Variants in PTPRN2 observed in about 807,000 individuals in gnomAD.
PTPRN2 encodes protein tyrosine phosphatase receptor type N2.
In PTPRN2, 74 loss-of-function variants were observed where a neutral mutation model predicts 118.8. The ratio of observed to expected loss-of-function variants is 0.62; its 90% CI spans 0.52 to 0.76. PTPRN2 has a LOEUF of 0.76. Ranked by LOEUF, PTPRN2 falls within the 30% of genes least tolerant of loss-of-function variation. PTPRN2 has a pLI of 0.00. For synonymous variants in PTPRN2, 641 were observed against 608.0 expected, an observed-to-expected ratio of 1.05 and a Z score of -0.80; for missense variants, 1,481 against 1,394.4, an observed-to-expected ratio of 1.06 and a Z score of -0.99.
At chr7:158,471,479 G>T (rs1819847430) in intron 2 of PTPRN2, among the ~76,000 whole-genome samples, 1 of 152,200 alleles carries the variant, frequency 6.6e-6, no homozygotes, top group Non-Finnish European at 1.5e-5. Context: ...CACAAGGTCA[G>T]GAGATCGAGA....
intron 12 of PTPRN2, among the ~76,000 whole-genome samples, chr7:157,692,410 C>T (rs1472181579): frequency 6.6e-6 from 1 of 152,244 alleles, no homozygotes; most frequent in African/African-American, 2.4e-5. Flanking sequence ...GCTTTTCTCT[C>T]ACAAACCTAG....
rs528873096 is a variant in PTPRN2, at chr7:158,093,214, G to C, written c.1644-11837C>G. Among the ~76,000 whole-genome samples the C allele has an allele frequency of 1.3e-4, 7 of 54,672 alleles. No individual in the cohort carries two copies. The highest frequency in any genetic ancestry group is 2.7e-4 in the African/African-American group (7 of 25,518). 35.9% of individuals were successfully genotyped at this position (54,672 alleles called of 152,430 possible). A position where few individuals can be genotyped will look rare whatever the true frequency, so the allele number is the denominator to read the frequency against. Reference sequence around the variant, plus strand: ...ACCTCTGTCCTTTCCTGACTCTGCCGCTGGACCGACCCCCCACACTGTAGA... The same window carrying C: ...ACCTCTGTCCTTTCCTGACTCTGCCCCTGGACCGACCCCCCACACTGTAGA... On this transcript the variant is annotated intron_variant, in intron 10 of 22. Transcript: ENST00000389418. The surrounding 1 kb of genome is among the most constrained non-coding windows in gnomAD (Gnocchi z 4.4).
At chr7:157,937,381 G>A (rs1408673142) in intron 11 of PTPRN2, among the ~76,000 whole-genome samples, 1 of 152,228 alleles carries the variant, frequency 6.6e-6, no homozygotes, top group Non-Finnish European at 1.5e-5. Context: ...GAGCACGTGG[G>A]GACTGGAGCA....
At chr7:157,949,985 G>A (rs1800709936) in intron 11 of PTPRN2, among the ~76,000 whole-genome samples, 2 of 152,294 alleles carry the variant, frequency 1.3e-5, no homozygotes, top group Middle Eastern at 6.8e-3. Flanking sequence ...TATAAAGGTT[G>A]TACTTGAATC....
chr7:158,520,086 G>C (rs1049492053), intron 1 of PTPRN2, among the ~76,000 whole-genome samples: 11 of 152,198 alleles, frequency 7.2e-5, no homozygotes, highest in African/African-American at 2.4e-4. Flanking sequence ...ACTCAAACTT[G>C]TCATTTCTTT....
rs139789312 is a variant in PTPRN2, at chr7:158,446,917, A to G, written c.163+42818T>C. Among the ~76,000 whole-genome samples the G allele has an allele frequency of 4.6e-3, 701 of 152,134 alleles. 9 individuals are homozygous for G. Among genetic ancestry groups the G allele is most frequent in the African/African-American group, 0.016 (675 of 41,500 alleles). On this transcript the variant is annotated intron_variant, in intron 2 of 22. Transcript: ENST00000389418. ...CTGCAGCCTCCTAGCTCCTGTTCCCACGGCCTCACGGCATCCGTCACTTTC... is the reference window on the plus strand; with the variant it reads ...CTGCAGCCTCCTAGCTCCTGTTCCCGCGGCCTCACGGCATCCGTCACTTTC...
rs904135088 is a variant in PTPRN2 at position 158,018,699 on chromosome 7, T to A, written c.1723+62599A>T. On this transcript the variant is annotated intron_variant, in intron 11 of 22. Transcript: ENST00000389418. ...AAGTAGGCCAGGCACAGTGGCTCAC[T>A]CCTGTAATCCCAGCACTTTGGGAGG... is the stretch of plus-strand genomic sequence containing the variant. Among the ~76,000 whole-genome samples, 8 of 152,060 alleles carry A rather than the reference T, an allele frequency of 5.3e-5. No homozygotes were observed. The East Asian group carries it at 1.4e-3, about 26-fold the overall frequency.
chr7:158,223,587 A>G (rs953159797), intron 3 of PTPRN2, among the ~76,000 whole-genome samples: 3 of 152,332 alleles, frequency 2.0e-5, no homozygotes. Context: ...CAATCGATGC[A>G]GAAAAGACAT....
rs111451062 is a variant in PTPRN2, at chr7:158,377,798, G to T, written c.164-60866C>A. 7.2e-3 allele frequency among the ~76,000 whole-genome samples: 1,091 copies of T among 152,298 alleles called. 10 individuals carry two copies. Among genetic ancestry groups the T allele is most frequent in the African/African-American group, 0.025 (1,039 of 41,566 alleles). On this transcript the variant is annotated intron_variant, in intron 2 of 22. Coordinates refer to ENST00000389418, the MANE Select transcript of PTPRN2 (RefSeq NM_002847.5). ...ACACTACCTGGTAATACCAAGGGAC[G>T]GGCTGCTGGTACGGCCCTGCACGGA...
At chr7:158,548,174 C>A (rs1826422736) in intron 1 of PTPRN2, among the ~76,000 whole-genome samples, 1 of 152,230 alleles carries the variant, frequency 6.6e-6, no homozygotes, top group Admixed American at 6.5e-5. Flanking sequence ...AGGACCAGCA[C>A]TGGAGGAGAT....
chr7:157,857,072 C>T (rs1009539119), intron 12 of PTPRN2, among the ~76,000 whole-genome samples: 18 of 144,294 alleles, frequency 1.2e-4, no homozygotes, highest in African/African-American at 3.3e-4. Flanking sequence ...GAGTCACAGC[C>T]GGGGCCACAG....
chr7:158,183,716 T>G (rs1188444101), intron 5 of PTPRN2, among the ~76,000 whole-genome samples: 5 of 152,128 alleles, frequency 3.3e-5, no homozygotes, highest in African/African-American at 9.7e-5. Flanking sequence ...CCAGTGGGGG[T>G]GCATATCTTG....
At position 158,205,194 on chromosome 7, in the gene PTPRN2, A is replaced by G. The variant is rs1217365193; in HGVS notation, c.357T>C (p.Arg119=). 1.9e-6 allele frequency: 3 copies of G among 1,614,112 alleles called. No individual in the cohort carries two copies. The highest frequency in any genetic ancestry group is 1.7e-5 in the Admixed American group (1 of 60,028). Residue 119 remains arginine (R), a synonymous_variant, in exon 4 of 23, where the codon CGT becomes CGC. Transcript: ENST00000389418. ...ACCTGGCTGGGCTGGATGCTTCAGG[A>G]CGCCTCAGGTAGGTTTTCGGGAGGT... ...LADLPKTYLR[R]PEASSPARPS...
intron 11 of PTPRN2, among the ~76,000 whole-genome samples, chr7:158,069,311 C>T (rs1811027929): frequency 1.3e-5 from 2 of 152,210 alleles, no homozygotes; most frequent in African/African-American, 2.4e-5. Context: ...TCAAGAGATC[C>T]TCCCACCTCA....
In PTPRN2 at chr7:158,015,357, C is replaced by T. The variant is rs1451114251; in HGVS notation, c.1723+65941G>A. Among the ~76,000 whole-genome samples the T allele has an allele frequency of 6.6e-6, 1 of 152,158 alleles. No individual in the cohort carries two copies. Among genetic ancestry groups the T allele is most frequent in the Admixed American group, 6.5e-5 (1 of 15,272 alleles). On this transcript the variant is annotated intron_variant, in intron 11 of 22. Coordinates refer to ENST00000389418, the MANE Select transcript of PTPRN2 (RefSeq NM_002847.5). The surrounding 1 kb of genome is among the most constrained non-coding windows in gnomAD (Gnocchi z 4.2). ...TTTTAACCTAAAATGAACAAATCCCCTGTCTACCGATTAAAAACTCTGAGG... is the reference window on the plus strand; with the variant it reads ...TTTTAACCTAAAATGAACAAATCCCTTGTCTACCGATTAAAAACTCTGAGG...
chr7:157,582,051 T>C (rs557292587), intron 17 of PTPRN2, among the ~76,000 whole-genome samples: 1 of 152,224 alleles, frequency 6.6e-6, no homozygotes, highest in East Asian at 1.9e-4. Flanking sequence ...GATCTCAGAC[T>C]ACCAGGCTCC....
intron 4 of PTPRN2, among the ~76,000 whole-genome samples, chr7:158,195,097 C>T (rs765523384): frequency 6.6e-5 from 10 of 152,202 alleles, no homozygotes; most frequent in Admixed American, 2.0e-4. Flanking sequence ...TCTGCCAGAA[C>T]GGCGGCTTTA....
At position 158,526,456 on chromosome 7, in the gene PTPRN2, C is replaced by A. The variant is rs892813957; in HGVS notation, c.113-36671G>T. Among the ~76,000 whole-genome samples, 1 of 152,164 alleles carries A rather than the reference C, an allele frequency of 6.6e-6. No individual in the cohort carries two copies. Among genetic ancestry groups the A allele is most frequent in the Non-Finnish European group, 1.5e-5 (1 of 68,018 alleles). The stretch of plus-strand genomic sequence containing the variant: ...CAAACACAGGGTCTGGAGGTCTCTC[C>A]GCTGGTCACGGCCTCGGAATTCCGA... On this transcript the variant is annotated intron_variant, in intron 1 of 22. Coordinates refer to ENST00000389418, the MANE Select transcript of PTPRN2 (RefSeq NM_002847.5). The surrounding 1 kb of genome is among the most constrained non-coding windows in gnomAD (Gnocchi z 5.2).
intron 11 of PTPRN2, among the ~76,000 whole-genome samples, chr7:158,071,499 C>CTGG (rs1811647986): frequency 9.0e-6 from 1 of 110,700 alleles, no homozygotes; most frequent in Non-Finnish European, 1.8e-5. Flanking sequence ...GCAGGTGCTC[C>CTGG]TGGTGGAGAT....
Sources: gnomAD v4.1 joint callset for allele counts (sites outside exome capture counted in the v4.1 genomes callset) on GRCh38, gnomAD v4.1.1 for gene constraint, Gnocchi (gnomAD v3.1) non-coding constraint, MANE v1.5 for transcripts, NCBI Gene and HGNC (gene_info 2026-07-23, HGNC 2026-07-21) for gene names.